The following SLC4A4 variants were observed in gnomAD, a reference collection of about 807,000 sequenced individuals.
SLC4A4 encodes solute carrier family 4 member 4, also known as electrogenic sodium bicarbonate cotransporter 1.
SLC4A4 carries 27 observed loss-of-function variants against 111.5 expected under a neutral mutation model. That is an observed-to-expected ratio of 0.24 (90% CI 0.18 to 0.33). SLC4A4 has a LOEUF of 0.33. SLC4A4 is among the 10% of genes least tolerant of loss of function. SLC4A4 has a pLI of 1.00. For missense variants in SLC4A4, 909 were observed against 1,315.5 expected (o/e 0.69, Z 4.78); for synonymous variants, 443 against 463.4 (o/e 0.96, Z 0.57).
chr4:71,406,925 A>G (rs904671387), intron 7 of SLC4A4, among the ~76,000 whole-genome samples: 4 of 152,174 alleles, frequency 2.6e-5, no homozygotes, highest in African/African-American at 7.2e-5. Context: ...TAGATTGGAC[A>G]TCTAATTACA....
Position 71,472,763 on chromosome 4 carries a change from C to G in SLC4A4, c.1696C>G (p.Leu566Val). ...WIGLWSAFLC[L>V]ILVATDASFL... ...TGGCCTGTGGTCCGCCTTCCTATGT[C>G]TCATTTTGGTAGCCACTGATGCCAG... The change falls in exon 14 of 26, where the codon CTC (leucine) becomes GTC (valine). Residue 566 changes from leucine to valine, a missense_variant. This residue lies in a region of SLC4A4 where 264 missense variants were observed against 356.8 expected (regional missense o/e 0.74). Transcript: ENST00000264485. 1 of 1,612,864 alleles carries G rather than the reference C, an allele frequency of 6.2e-7. No individual in the cohort carries two copies. Among genetic ancestry groups the G allele is most frequent in the Non-Finnish European group, 8.5e-7 (1 of 1,179,302 alleles).
At chr4:71,386,015 T>G (rs1718683078) in intron 6 of SLC4A4, among the ~76,000 whole-genome samples, 1 of 147,658 alleles carries the variant, frequency 6.8e-6, no homozygotes, top group Admixed American at 6.7e-5. Context: ...TTTTTGGAGT[T>G]TTTTTTTTTG....
At chr4:71,074,527 G>C (rs1048758290) in intron 1 of SLC4A4, among the ~76,000 whole-genome samples, 2 of 151,930 alleles carry the variant, frequency 1.3e-5, no homozygotes. Flanking sequence ...AAAAAGCAGT[G>C]AGAAACTTTA....
intron 2 of SLC4A4, among the ~76,000 whole-genome samples, chr4:71,249,296 C>T (rs1009901427): frequency 2.0e-5 from 3 of 152,010 alleles, no homozygotes; most frequent in African/African-American, 7.2e-5. Context: ...ACATAAATGA[C>T]ATATGTAATA....
chr4:71,243,183 C>T (rs1264503784), intron 2 of SLC4A4, among the ~76,000 whole-genome samples: 4 of 152,114 alleles, frequency 2.6e-5, no homozygotes, highest in Non-Finnish European at 5.9e-5. Flanking sequence ...TGTTTTTCTG[C>T]GAGTGAGAAG....
intron 15 of SLC4A4, among the ~76,000 whole-genome samples, chr4:71,496,727 G>A (rs1317114042): frequency 3.9e-5 from 6 of 152,034 alleles, no homozygotes; most frequent in African/African-American, 1.2e-4. Flanking sequence ...ACAAGAGTGA[G>A]CTGCTAGAGG....
At chr4:71,351,485 C>T (rs1412111877) in intron 5 of SLC4A4, among the ~76,000 whole-genome samples, 3 of 152,156 alleles carry the variant, frequency 2.0e-5, no homozygotes, top group Non-Finnish European at 2.9e-5. Flanking sequence ...AAAGAGACTC[C>T]ATTTATAATG....
chr4:71,202,565 A>C (rs990510474), intron 1 of SLC4A4, among the ~76,000 whole-genome samples: 2 of 152,174 alleles, frequency 1.3e-5, no homozygotes, highest in Non-Finnish European at 2.9e-5. Context: ...CCAGTAATCC[A>C]TTATTTGTAT....
intron 14 of SLC4A4, 142 bp downstream of exon 14, chr4:71,473,112 T>C (rs1728039613): frequency 1.1e-6 from 1 of 928,214 alleles, no homozygotes; most frequent in African/African-American, 1.6e-5. Context: ...GCTACTGAAT[T>C]TGATGTCTCA....
intron 7 of SLC4A4, among the ~76,000 whole-genome samples, chr4:71,423,827 T>G (rs1284275334): frequency 1.3e-5 from 2 of 152,216 alleles, no homozygotes; most frequent in Non-Finnish European, 2.9e-5. Context: ...TTACACCTTA[T>G]GCAAAAATCA....
chr4:71,551,415 A>G (rs1241334763), intron 20 of SLC4A4, among the ~76,000 whole-genome samples: 2 of 151,862 alleles, frequency 1.3e-5, no homozygotes, highest in South Asian at 2.1e-4. Context: ...GGTAATGGTG[A>G]TGATGATGAT....
At position 71,408,788 on chromosome 4, in the gene SLC4A4, A is replaced by G. The variant is rs918264345; in HGVS notation, c.807+11135A>G. ...TAACTACTCCTGTTTTGAATTTCCA[A>G]TACCATCTAGTACTTATTATTTTCA... is the stretch of plus-strand genomic sequence containing the variant. On this transcript the variant is annotated intron_variant, in intron 7 of 25. Transcript: ENST00000264485. Among the ~76,000 whole-genome samples, 9 of 152,226 alleles carry G rather than the reference A, an allele frequency of 5.9e-5. 1 individual carries two copies. The highest frequency in any genetic ancestry group is 1.9e-4 in the African/African-American group (8 of 41,540).
At chr4:71,185,774 AT>A (rs988782976), upstream of SLC4A4, among the ~76,000 whole-genome samples, 181 of 146,624 alleles carry the variant, frequency 1.2e-3, 1 homozygote, top group African/African-American at 9.5e-4. Flanking sequence ...CCCTACCCTC[AT>A]TTTTTTTTTC....
rs886830355 is a variant in SLC4A4, at chr4:71,411,122, T to C, written c.807+13469T>C. ...ATCCTTGGCATGACCTTCCAAGACC[T>C]GCGTTATCCTGCCTGGTGTCTCTCT... On this transcript the variant is annotated intron_variant, in intron 7 of 25. Coordinates refer to ENST00000264485, the MANE Select transcript of SLC4A4 (RefSeq NM_001098484.3). Among the ~76,000 whole-genome samples, 8 of 152,176 alleles carry C rather than the reference T, an allele frequency of 5.3e-5. No homozygotes were observed. In the East Asian group the frequency reaches 1.3e-3, roughly 26 times the overall value.
At chr4:71,091,396 G>T (rs1742384313) in intron 1 of SLC4A4, among the ~76,000 whole-genome samples, 1 of 151,866 alleles carries the variant, frequency 6.6e-6, no homozygotes, top group Non-Finnish European at 1.5e-5. Context: ...GGGACTACAG[G>T]CACCCGCCAC....
chr4:71,302,970 C>G (rs755066110), intron 3 of SLC4A4, among the ~76,000 whole-genome samples: 7 of 152,142 alleles, frequency 4.6e-5, no homozygotes, highest in Non-Finnish European at 1.0e-4. Context: ...TTGTAGTAAT[C>G]ACTTTTTTCT....
chr4:71,380,081 G>A (rs964763850), intron 6 of SLC4A4, among the ~76,000 whole-genome samples: 1 of 152,188 alleles, frequency 6.6e-6, no homozygotes, highest in Non-Finnish European at 1.5e-5. Flanking sequence ...TCAGATTTTA[G>A]TCTTCATATC....
rs76320794 is a variant in SLC4A4, at chr4:71,334,443, A to G, written c.254-4927A>G. Among the ~76,000 whole-genome samples, 9 of 152,076 alleles carry G rather than the reference A, an allele frequency of 5.9e-5. No individual in the cohort carries two copies. The East Asian group carries it at 1.7e-3, about 30-fold the overall frequency. ...CTACTCTCCTCAAGCAGAAGGAAGG[A>G]GTTTCTCCCAGAGCTGCACTGCTTG... On this transcript the variant is annotated intron_variant, in intron 3 of 25. Coordinates refer to ENST00000264485, the MANE Select transcript of SLC4A4 (RefSeq NM_001098484.3).
intron 3 of SLC4A4, among the ~76,000 whole-genome samples, chr4:71,323,704 A>C (rs897707953): frequency 6.6e-6 from 1 of 152,058 alleles, no homozygotes; most frequent in African/African-American, 2.4e-5. Context: ...CAATCAGGAC[A>C]GCACAATGTT....
Sources: allele counts gnomAD v4.1 joint callset (sites outside exome capture counted in the v4.1 genomes callset), GRCh38; gene constraint gnomAD v4.1.1; regional missense constraint gnomAD v4.1.1; transcripts MANE v1.5; gene names NCBI Gene and HGNC (gene_info 2026-07-23, HGNC 2026-07-21).